Variants in DLGAP1 observed in about 807,000 individuals in gnomAD.
DLGAP1 encodes the protein DLG associated protein 1, also known as disks large-associated protein 1.
A neutral mutation model predicts 90.8 loss-of-function variants in DLGAP1; 11 were observed. The ratio of observed to expected loss-of-function variants is 0.12; its 90% CI spans 0.08 to 0.20. The LOEUF (loss-of-function observed/expected upper bound fraction) is 0.20, where lower values mean the gene tolerates loss of function less well. DLGAP1 is among the 10% of genes least tolerant of loss of function. The pLI is 1.00. For synonymous variants in DLGAP1, 558 were observed against 540.7 expected (o/e 1.03, Z -0.44); for missense variants, 1,050 against 1,333.8 (o/e 0.79, Z 3.31).
At chr18:4,097,515 C>T (rs1334252675) in intron 2 of DLGAP1, among the ~76,000 whole-genome samples, 2 of 152,190 alleles carry the variant, frequency 1.3e-5, no homozygotes, top group Non-Finnish European at 2.9e-5. Flanking sequence ...TTTTCCTTCC[C>T]TTCTGCCTCC....
At chr18:4,013,000 C>T (rs114062386) in intron 2 of DLGAP1, among the ~76,000 whole-genome samples, 52 of 152,256 alleles carry the variant, frequency 3.4e-4, no homozygotes, top group African/African-American at 1.2e-3. Context: ...CCACCGGTCC[C>T]GGCCCTATTT....
chr18:3,712,852 G>A (rs188806777), intron 7 of DLGAP1, among the ~76,000 whole-genome samples: 16 of 152,278 alleles, frequency 1.1e-4, no homozygotes, highest in African/African-American at 3.6e-4. Context: ...AGATAGAAGC[G>A]GAATCAATTC....
intron 7 of DLGAP1, among the ~76,000 whole-genome samples, chr18:3,583,247 TCTGTGTTTCCCCA>T (rs1280256832): frequency 6.7e-6 from 1 of 150,216 alleles, no homozygotes; most frequent in Non-Finnish European, 1.5e-5. Flanking sequence ...TCTCTGTCCC[TCTGTGTTTCCCCA>T]CCTCCTTCCC....
chr18:4,317,859 C>A (rs2143550913), intron 1 of DLGAP1, among the ~76,000 whole-genome samples: 1 of 152,262 alleles, frequency 6.6e-6, no homozygotes, highest in South Asian at 2.1e-4. Flanking sequence ...CTTTCTCTCT[C>A]TTTTTGAGAC....
rs950102823 is a variant in DLGAP1 at position 4,165,041 on chromosome 18, A to C, written c.-266-13754T>G. The stretch of plus-strand genomic sequence containing the variant: ...ACAAAAATCCAAATTCATATCCTTA[A>C]AAAGAATGGAGAGAGGGTGGGGCTG... On this transcript the variant is annotated intron_variant, in intron 1 of 12. Coordinates refer to ENST00000315677, the MANE Select transcript of DLGAP1 (RefSeq NM_004746.4). Among the ~76,000 whole-genome samples the C allele has an allele frequency of 8.5e-5, 13 of 152,166 alleles. 1 individual carries two copies. The highest frequency in any genetic ancestry group is 2.6e-4 in the Admixed American group (4 of 15,276).
chr18:3,999,515 C>A (rs1313127898), intron 3 of DLGAP1, among the ~76,000 whole-genome samples: 1 of 152,152 alleles, frequency 6.6e-6, no homozygotes, highest in African/African-American at 2.4e-5. Flanking sequence ...TATTGCCTTA[C>A]ATTTCTACTC....
At chr18:3,962,267 C>G (rs1036341855) in intron 3 of DLGAP1, 2 of 152,126 alleles carry the variant, frequency 1.3e-5, no homozygotes, top group African/African-American at 2.4e-5. Context: ...ATCGGGTAAA[C>G]TTTGTCCAAT....
At chr18:4,000,570 G>T (rs1419465878) in intron 3 of DLGAP1, among the ~76,000 whole-genome samples, 1 of 152,272 alleles carries the variant, frequency 6.6e-6, no homozygotes, top group East Asian at 1.9e-4. Context: ...GTTTTCCGAG[G>T]CTTGGTCTCC....
chr18:3,850,706 A>T (rs1468487562), intron 4 of DLGAP1, among the ~76,000 whole-genome samples: 3 of 152,206 alleles, frequency 2.0e-5, no homozygotes, highest in Admixed American at 2.0e-4. Flanking sequence ...TTTATACCTC[A>T]GCATCATCCT....
intron 5 of DLGAP1, among the ~76,000 whole-genome samples, chr18:3,773,106 A>T (rs9964369): frequency 0.36 from 53,804 of 151,360 alleles, 10,085 homozygotes; most frequent in African/African-American, 0.47. Flanking sequence ...GGACTTAAAA[A>T]TTTTTTTTTA....
intron 1 of DLGAP1, among the ~76,000 whole-genome samples, chr18:4,364,077 T>TA (rs1230084964): frequency 2.0e-5 from 3 of 151,462 alleles, no homozygotes; most frequent in Non-Finnish European, 4.4e-5. Context: ...TATGCAGCCA[T>TA]AAAAAATGAT....
At chr18:4,392,087 G>A (rs979486177) in intron 1 of DLGAP1, among the ~76,000 whole-genome samples, 1 of 152,138 alleles carries the variant, frequency 6.6e-6, no homozygotes, top group Non-Finnish European at 1.5e-5. Context: ...ACGAAAGTGG[G>A]TCAAGGGAAA....
chr18:3,707,120 T>C (rs1243195914), intron 7 of DLGAP1, among the ~76,000 whole-genome samples: 1 of 152,210 alleles, frequency 6.6e-6, no homozygotes, highest in African/African-American at 2.4e-5. Flanking sequence ...TGTTTGCTTA[T>C]CTCTTATTTA....
chr18:4,239,892 T>A (rs1471176692), intron 1 of DLGAP1, among the ~76,000 whole-genome samples: 1 of 152,208 alleles, frequency 6.6e-6, no homozygotes, highest in Non-Finnish European at 1.5e-5. Flanking sequence ...AGTCTGCAAA[T>A]CCACATTGAA....
intron 3 of DLGAP1, among the ~76,000 whole-genome samples, chr18:3,972,132 C>A (rs989911620): frequency 6.7e-6 from 1 of 149,374 alleles, no homozygotes; most frequent in Non-Finnish European, 1.5e-5. Context: ...TTACAGTTTA[C>A]CTTGTTTTTA....
intron 11 of DLGAP1, among the ~76,000 whole-genome samples, chr18:3,506,818 A>G (rs2143757626): frequency 6.6e-6 from 1 of 152,332 alleles, no homozygotes; most frequent in East Asian, 1.9e-4. Flanking sequence ...GAGATCTGTG[A>G]CACATTAGCA....
At chr18:4,102,562 G>C (rs1199391986) in intron 2 of DLGAP1, among the ~76,000 whole-genome samples, 1 of 152,156 alleles carries the variant, frequency 6.6e-6, no homozygotes, top group East Asian at 1.9e-4. Context: ...ACAAAAGGCA[G>C]ACACAGGATC....
At chr18:4,019,437 A>T (rs2074573975) in intron 2 of DLGAP1, among the ~76,000 whole-genome samples, 1 of 152,074 alleles carries the variant, frequency 6.6e-6, no homozygotes, top group South Asian at 2.1e-4. Context: ...TACTTACAAG[A>T]TATAATTTTT....
At chr18:3,749,148 C>CTTTTTTT (rs776707431) in intron 5 of DLGAP1, among the ~76,000 whole-genome samples, 19 of 120,684 alleles carry the variant, frequency 1.6e-4, no homozygotes, top group African/African-American at 2.9e-4. Context: ...TCTTCTTCTT[C>CTTTTTTT]TTTTTTTTTT....
Sources: gnomAD v4.1 joint callset for allele counts (sites outside exome capture counted in the v4.1 genomes callset) on GRCh38, gnomAD v4.1.1 for gene constraint, MANE v1.5 for transcripts, NCBI Gene and HGNC (gene_info 2026-07-23, HGNC 2026-07-21) for gene names.